Variants in MS4A12 observed in about 807,000 individuals in gnomAD.
MS4A12 encodes the protein membrane spanning 4-domains A12, also known as membrane-spanning 4-domains subfamily A member 12.
MS4A12 carries 28 observed loss-of-function variants against 23.7 expected under a neutral mutation model. The observed-to-expected ratio is 1.18, with a 90% CI of 0.88 to 1.62. The LOEUF (loss-of-function observed/expected upper bound fraction) is 1.62. Among genes scored for constraint, MS4A12 ranks in the 40% most tolerant of loss-of-function variants. The pLI is 0.00. For synonymous variants in MS4A12, 108 were observed against 110.1 expected (o/e 0.98, Z 0.12); for missense variants, 342 against 327.0 (o/e 1.05, Z -0.35).
chr11:60,504,511 GT>G (rs2086556035), intron 5 of MS4A12, among the ~76,000 whole-genome samples: 2 of 152,098 alleles, frequency 1.3e-5, no homozygotes. Context: ...CAGAAGAGTG[GT>G]TTTATTGGTT....
At chr11:60,496,319 CA>C (rs1565203057) in intron 1 of MS4A12, among the ~76,000 whole-genome samples, 1 of 151,800 alleles carries the variant, frequency 6.6e-6, no homozygotes, top group African/African-American at 2.4e-5. Context: ...TTGAAGACCT[CA>C]AAAAAAGGAA....
In MS4A12 at chr11:60,500,976, C is replaced by T. The variant is rs142597349; in HGVS notation, c.277-69C>T. 4.6e-4 allele frequency: 682 copies of T among 1,489,566 alleles called. 3 individuals carry two copies. In the African/African-American group the frequency reaches 8.4e-3, roughly 18 times the overall value. 92.3% of individuals were successfully genotyped at this position (1,489,566 alleles called of 1,614,324 possible). A position where few individuals can be genotyped will look rare whatever the true frequency, so the allele number is the denominator to read the frequency against. On this transcript the variant is annotated intron_variant, in intron 2 of 6. Coordinates refer to ENST00000016913, the MANE Select transcript of MS4A12 (RefSeq NM_017716.3). ...ATTGACAATAAATAAGCAGGGGCAG[C>T]AATGACAGTAATGTTTCACACGTCT...
At chr11:60,501,835 A>G (rs1228182336) in intron 3 of MS4A12, 148 bp from the exon 4 acceptor site, 4 of 683,842 alleles carry the variant, frequency 5.8e-6, no homozygotes, top group African/African-American at 5.4e-5. Context: ...CATATGACTG[A>G]GAGTTACTCC....
At chr11:60,497,742 C>A in intron 2 of MS4A12, 148 bp downstream of exon 2, 2 of 911,566 alleles carry the variant, frequency 2.2e-6, no homozygotes. Flanking sequence ...TGCCTATAGA[C>A]TTTCCCTTGA....
rs1177094379 is a variant in MS4A12, at chr11:60,497,543, A to T, written c.225A>T (p.Pro75=). The T allele has an allele frequency of 2.5e-6, 4 of 1,614,148 alleles. No individual in the cohort carries two copies. The highest frequency in any genetic ancestry group is 3.4e-6 in the Non-Finnish European group (4 of 1,179,964). Residue 75 remains proline, a synonymous_variant, in exon 2 of 7, where the codon CCA becomes CCT. Coordinates refer to ENST00000016913, the MANE Select transcript of MS4A12 (RefSeq NM_017716.3). ...PGQGNIQMIN[P]SVGTAVMNFK... ...AAGGAAATATACAAATGATAAATCC[A>T]AGTGTGGGAACAGCAGTAATGAACT...
At chr11:60,498,567 AG>A (rs2086506874) in intron 2 of MS4A12, among the ~76,000 whole-genome samples, 1 of 152,212 alleles carries the variant, frequency 6.6e-6, no homozygotes, top group Non-Finnish European at 1.5e-5. Flanking sequence ...AATATCATTA[AG>A]CACAAAGGAG....
intron 4 of MS4A12, among the ~76,000 whole-genome samples, chr11:60,503,040 C>T (rs1048365781): frequency 1.3e-5 from 2 of 152,242 alleles, no homozygotes; most frequent in Non-Finnish European, 1.5e-5. Context: ...CTAAAGAACT[C>T]GACTGTGCCA....
intron 1 of MS4A12, among the ~76,000 whole-genome samples, chr11:60,496,594 C>T (rs1763885884): frequency 1.3e-5 from 2 of 152,170 alleles, no homozygotes; most frequent in Admixed American, 1.3e-4. Context: ...GACTGCCCTC[C>T]TTGCCATACA....
intron 2 of MS4A12, among the ~76,000 whole-genome samples, chr11:60,500,051 A>T (rs996828736): frequency 2.0e-5 from 2 of 99,346 alleles, no homozygotes; most frequent in Non-Finnish European, 4.2e-5. Context: ...CTTCCTGGCT[A>T]ACCCGTGAAA....
At chr11:60,501,910 C>A in intron 3 of MS4A12, 73 bp from the exon 4 acceptor site, 1 of 1,384,370 alleles carries the variant, frequency 7.2e-7, no homozygotes, top group Non-Finnish European at 1.0e-6. Context: ...ATAGACCAAC[C>A]TTTCATATAA....
rs2086527232 is a variant in MS4A12, at chr11:60,501,137, C to T, written c.369C>T (p.Ala123=). The T allele has an allele frequency of 2.5e-6, 4 of 1,613,066 alleles. No homozygotes were observed. Among genetic ancestry groups the T allele is most frequent in the Non-Finnish European group, 2.5e-6 (3 of 1,179,678 alleles). The change falls in exon 3 of 7, where the codon GCC becomes GCT. Residue 123 remains alanine (A), a synonymous_variant. Transcript: ENST00000016913. ...CTTTTAGAGAAGTATTAGGTTTTGCCTCTACTGCTGTTATTGGTGGATACC... is the reference window on the plus strand; with the variant it reads ...CTTTTAGAGAAGTATTAGGTTTTGCTTCTACTGCTGTTATTGGTGGATACC... ...SFSFREVLGF[A]STAVIGGYPF...
intron 2 of MS4A12, among the ~76,000 whole-genome samples, chr11:60,499,521 G>A (rs886723144): frequency 1.3e-5 from 2 of 152,162 alleles, no homozygotes; most frequent in African/African-American, 4.8e-5. Context: ...TAGGCTAAAC[G>A]TGGCCCATCA....
rs1590863027 is a variant in MS4A12, at chr11:60,503,728, G to T, written c.499G>T (p.Val167Phe). ...LVKGSLGMNI[V>F]SSILAFIGVI... ...GAAAGGCAGCCTGGGAATGAACATT[G>T]TTAGTTCTATCTTGGCCTTCATTGG... The change falls in exon 5 of 7, where the codon GTT becomes TTT. Residue 167 changes from valine to phenylalanine, a missense_variant. Physicochemically the swap from Val to Phe is conservative, Grantham distance 50 (BLOSUM62 -1). Coordinates refer to ENST00000016913, the MANE Select transcript of MS4A12 (RefSeq NM_017716.3). 1.2e-6 allele frequency: 2 copies of T among 1,613,420 alleles called. No individual in the cohort carries two copies. Among genetic ancestry groups the T allele is most frequent in the Admixed American group, 3.3e-5 (2 of 59,882 alleles).
intron 1 of MS4A12, among the ~76,000 whole-genome samples, chr11:60,495,989 C>T (rs1174102530): frequency 6.6e-6 from 1 of 152,186 alleles, no homozygotes; most frequent in African/African-American, 2.4e-5. Context: ...GGATTCTGAA[C>T]CAACAGCCAA....
intron 3 of MS4A12, 119 bp from the exon 4 acceptor site, chr11:60,501,864 A>C: frequency 1.1e-6 from 1 of 877,720 alleles, no homozygotes; most frequent in Admixed American, 2.2e-5. Flanking sequence ...CAGAAGTGCG[A>C]GAGAAAATTT....
intron 2 of MS4A12, among the ~76,000 whole-genome samples, chr11:60,499,046 C>T (rs1038326681): frequency 3.9e-5 from 6 of 152,224 alleles, no homozygotes; most frequent in South Asian, 2.1e-4. Flanking sequence ...GCATGCTGCC[C>T]GGCACCGAAG....
In MS4A12 at chr11:60,494,404, A is replaced by G. The variant is rs534694840; in HGVS notation, c.-7+1576A>G. On this transcript the variant is annotated intron_variant, in intron 1 of 6. Coordinates refer to ENST00000016913, the MANE Select transcript of MS4A12 (RefSeq NM_017716.3). ...ATGATCAACAGCAAAGGAGAATGTA[A>G]TGAAATCATATACATGCAGAAACGT... Among the ~76,000 whole-genome samples the G allele has an allele frequency of 3.9e-5, 6 of 152,356 alleles. No individual in the cohort carries two copies. In the South Asian group the frequency reaches 8.3e-4, roughly 21 times the overall value.
At chr11:60,498,340 T>A (rs561261703) in intron 2 of MS4A12, among the ~76,000 whole-genome samples, 1 of 152,334 alleles carries the variant, frequency 6.6e-6, no homozygotes, top group South Asian at 2.1e-4. Context: ...GCTCATTATG[T>A]GCCAGAAACT....
rs772142071 is a variant in MS4A12, at chr11:60,501,204, C to T, written c.414+22C>T. 2.5e-6 allele frequency: 4 copies of T among 1,589,020 alleles called. No homozygotes were observed. In the East Asian group the frequency reaches 6.8e-5, roughly 27 times the overall value. Reference sequence around the variant, plus strand: ...TTCTGTGAGTAGATTGCTAGAACACCAGTCCTTCTTGGTTTATAAAGTATT... The same window carrying T: ...TTCTGTGAGTAGATTGCTAGAACACTAGTCCTTCTTGGTTTATAAAGTATT... On this transcript the variant is annotated intron_variant, in intron 3 of 6. Transcript: ENST00000016913.
Sources: gnomAD v4.1 joint callset for allele counts (sites outside exome capture counted in the v4.1 genomes callset) on GRCh38, gnomAD v4.1.1 for gene constraint, MANE v1.5 for transcripts, NCBI Gene and HGNC (gene_info 2026-07-23, HGNC 2026-07-21) for gene names.